Variants in PPP2R5E observed in about 807,000 individuals in gnomAD.
The protein encoded by PPP2R5E is serine/threonine-protein phosphatase 2A 56 kDa regulatory subunit epsilon isoform.
In PPP2R5E, 4 loss-of-function variants were observed where a neutral mutation model predicts 65.3. That is an observed-to-expected ratio of 0.06 (90% CI 0.03 to 0.14). The LOEUF (loss-of-function observed/expected upper bound fraction) is 0.14. Ranked by LOEUF, PPP2R5E falls within the 10% of genes least tolerant of loss-of-function variation. The probability of loss-of-function intolerance (pLI) is 1.00; values close to 1 mark genes in which losing one functional copy is unlikely to be tolerated. For missense variants in PPP2R5E, 274 were observed against 556.1 expected, an observed-to-expected ratio of 0.49 and a Z score of 5.10; for synonymous variants, 183 against 187.4, an observed-to-expected ratio of 0.98 and a Z score of 0.19.
chr14:63,531,371 T>C (rs1184926866), intron 2 of PPP2R5E, among the ~76,000 whole-genome samples: 2 of 151,646 alleles, frequency 1.3e-5, no homozygotes, highest in African/African-American at 4.8e-5. Context: ...CACCTATGAG[T>C]GAGAACATGC....
At chr14:63,532,113 A>G (rs993254208) in intron 2 of PPP2R5E, among the ~76,000 whole-genome samples, 1 of 152,178 alleles carries the variant, frequency 6.6e-6, no homozygotes, top group Non-Finnish European at 1.5e-5. Flanking sequence ...ATAGATACAC[A>G]CATACAAAAT....
rs561530173 is a variant in PPP2R5E at position 63,472,222 on chromosome 14, C to T, written c.158-18337G>A. ...GGCTGAGGCAGGAGAATCGGCTGAA[C>T]CCAGGAGGCGGAGGTTGAAATGAGC... On this transcript the variant is annotated intron_variant, in intron 2 of 13. Transcript: ENST00000337537. Among the ~76,000 whole-genome samples the T allele has an allele frequency of 2.4e-3, 369 of 152,326 alleles. 2 individuals are homozygous for T. Among genetic ancestry groups the T allele is most frequent in the African/African-American group, 8.4e-3 (349 of 41,566 alleles).
chr14:63,502,444 G>A (rs1183247920), intron 2 of PPP2R5E, among the ~76,000 whole-genome samples: 2 of 152,112 alleles, frequency 1.3e-5, no homozygotes, highest in Admixed American at 6.5e-5. Context: ...TTAGGAGGCC[G>A]AGGCAGGCAA....
intron 3 of PPP2R5E, among the ~76,000 whole-genome samples, chr14:63,437,201 C>T (rs1269279969): frequency 6.6e-6 from 1 of 152,206 alleles, no homozygotes; most frequent in Non-Finnish European, 1.5e-5. Context: ...GAGGAACCCT[C>T]AGTTCGGGAA....
rs1001766768 is a variant in PPP2R5E, at chr14:63,522,456, G to A, written c.157+17073C>T. On this transcript the variant is annotated intron_variant, in intron 2 of 13. Transcript: ENST00000337537. ...TGCCTGGCTGCCCAGTCTGGAAAGT[G>A]AGGAGCGTCTCTGCCCGGCCGCCAT... is the stretch of plus-strand genomic sequence containing the variant. 5.9e-4 allele frequency among the ~76,000 whole-genome samples: 89 copies of A among 150,526 alleles called. 2 individuals are homozygous for A. Among genetic ancestry groups the A allele is most frequent in the Admixed American group, 2.5e-3 (38 of 15,130 alleles).
chr14:63,443,157 T>A (rs1230234220), intron 3 of PPP2R5E, among the ~76,000 whole-genome samples: 9 of 152,208 alleles, frequency 5.9e-5, no homozygotes, highest in Middle Eastern at 3.4e-3. Context: ...AGGTTATAAT[T>A]TGAGAGTAGG....
At chr14:63,534,171 G>A (rs1334588687) in intron 2 of PPP2R5E, among the ~76,000 whole-genome samples, 4 of 152,132 alleles carry the variant, frequency 2.6e-5, no homozygotes, top group African/African-American at 4.8e-5. Flanking sequence ...TTGTGTGTGT[G>A]TTTGTGTGTT....
At chr14:63,398,744 C>G (rs1012037146) in intron 5 of PPP2R5E, among the ~76,000 whole-genome samples, 1 of 152,070 alleles carries the variant, frequency 6.6e-6, no homozygotes, top group South Asian at 2.1e-4. Flanking sequence ...GAGCCGAGAT[C>G]GCGCTGCTGC....
intron 2 of PPP2R5E, among the ~76,000 whole-genome samples, chr14:63,495,764 C>T (rs1426792569): frequency 6.6e-6 from 1 of 151,646 alleles, no homozygotes; most frequent in East Asian, 1.9e-4. Context: ...AATCATGGCT[C>T]ATTGCAGCCT....
intron 2 of PPP2R5E, among the ~76,000 whole-genome samples, chr14:63,456,141 T>C (rs1889117450): frequency 6.6e-6 from 1 of 152,236 alleles, no homozygotes; most frequent in Admixed American, 6.5e-5. Flanking sequence ...CAATATTTGA[T>C]ATAGTGATTT....
At chr14:63,485,043 T>A (rs1890910273) in intron 2 of PPP2R5E, among the ~76,000 whole-genome samples, 2 of 152,186 alleles carry the variant, frequency 1.3e-5, no homozygotes, top group African/African-American at 4.8e-5. Flanking sequence ...GCAATTAATA[T>A]ATTCAAATTC....
At position 63,374,375 on chromosome 14, in the gene PPP2R5E, A is replaced by C. The variant is rs1883861222; in HGVS notation, c.*1634T>G. The C allele has an allele frequency of 6.6e-6, 1 of 151,870 alleles. No individual in the cohort carries two copies. The highest frequency in any genetic ancestry group is 2.1e-4 in the South Asian group (1 of 4,828). The allele number at this position is 151,870 out of a possible 1,614,324, so 9.4% of individuals were successfully genotyped here. ...AGTTCATATGTTCATGTTTGCTACT[A>C]TCACAATTCAACATATGAACACAGA... On this transcript the variant is annotated 3_prime_UTR_variant, in exon 14 of 14. Coordinates refer to ENST00000337537, the MANE Select transcript of PPP2R5E (RefSeq NM_006246.5).
chr14:63,453,956 T>C, intron 2 of PPP2R5E, 71 bp from the exon 3 acceptor site: 1 of 1,209,186 alleles, frequency 8.3e-7, no homozygotes, highest in Non-Finnish European at 1.1e-6. Context: ...CTGTGAAAGT[T>C]ACTTCAAAGG....
chr14:63,534,540 C>G (rs1008034321), intron 2 of PPP2R5E, among the ~76,000 whole-genome samples: 1 of 152,150 alleles, frequency 6.6e-6, no homozygotes, highest in Non-Finnish European at 1.5e-5. Flanking sequence ...ATTTTACTTT[C>G]TTATCAAGTA....
chr14:63,457,899 AAAG>A (rs1889217613), intron 2 of PPP2R5E, among the ~76,000 whole-genome samples: 2 of 152,180 alleles, frequency 1.3e-5, no homozygotes, highest in Non-Finnish European at 2.9e-5. Flanking sequence ...TCCACCAAGA[AAAG>A]AATGCAATGA....
intron 3 of PPP2R5E, among the ~76,000 whole-genome samples, chr14:63,450,038 G>T (rs772462631): frequency 1.3e-5 from 2 of 151,964 alleles, no homozygotes; most frequent in African/African-American, 4.8e-5. Context: ...ACCATGCCAG[G>T]CTAATTTTTG....
intron 2 of PPP2R5E, among the ~76,000 whole-genome samples, chr14:63,479,572 T>A (rs1373425714): frequency 6.6e-6 from 1 of 152,214 alleles, no homozygotes; most frequent in Non-Finnish European, 1.5e-5. Flanking sequence ...GAACAAAACA[T>A]AACTTAAGTC....
At chr14:63,453,642 C>G in intron 3 of PPP2R5E, 47 bp downstream of exon 3, 1 of 1,570,378 alleles carries the variant, frequency 6.4e-7, no homozygotes, top group Non-Finnish European at 8.7e-7. Context: ...CTGTGAGTCA[C>G]TATGGAAGAT....
At chr14:63,401,298 C>A (rs1001831026) in intron 5 of PPP2R5E, among the ~76,000 whole-genome samples, 1 of 152,104 alleles carries the variant, frequency 6.6e-6, no homozygotes, top group African/African-American at 2.4e-5. Context: ...TTAGTCATAT[C>A]TATAGTCCCA....
Sources: gnomAD v4.1 joint callset for allele counts (sites outside exome capture counted in the v4.1 genomes callset) on GRCh38, gnomAD v4.1.1 for gene constraint, MANE v1.5 for transcripts, NCBI Gene and HGNC (gene_info 2026-07-23, HGNC 2026-07-21) for gene names.